ZRANB3: variants seen among roughly 807,000 people sequenced by gnomAD.
ZRANB3 encodes zinc finger RANBP2-type containing 3, also known as DNA annealing helicase and endonuclease ZRANB3.
In ZRANB3, 125 loss-of-function variants were observed where a neutral mutation model predicts 133.8. The observed-to-expected ratio is 0.93, with a 90% CI of 0.81 to 1.08. The LOEUF (loss-of-function observed/expected upper bound fraction) is 1.08. ZRANB3 is among the 50% of genes least tolerant of loss of function. ZRANB3 has a pLI of 0.00. For synonymous variants in ZRANB3, 387 were observed against 432.7 expected (o/e 0.89, Z 1.31); for missense variants, 1,229 against 1,275.5 (o/e 0.96, Z 0.56).
chr2:135,421,068 A>C (rs1346149273), intron 2 of ZRANB3, among the ~76,000 whole-genome samples: 1 of 152,188 alleles, frequency 6.6e-6, no homozygotes, highest in African/African-American at 2.4e-5. Flanking sequence ...GATTAATGTA[A>C]GGAGCCTCAA....
At chr2:135,272,563 G>A (rs1018290767) in intron 9 of ZRANB3, among the ~76,000 whole-genome samples, 4 of 151,682 alleles carry the variant, frequency 2.6e-5, no homozygotes, top group African/African-American at 7.3e-5. Context: ...ATAGGCGCCC[G>A]CCACCACGCC....
At chr2:135,232,013 G>C (rs547848374) in intron 12 of ZRANB3, among the ~76,000 whole-genome samples, 21 of 152,298 alleles carry the variant, frequency 1.4e-4, no homozygotes, top group Middle Eastern at 3.4e-3. Flanking sequence ...CCCGGGAAGC[G>C]CAAGGGGTCA....
intron 6 of ZRANB3, among the ~76,000 whole-genome samples, chr2:135,329,376 T>TAATAACACCAC (rs1558920899): frequency 2.4e-4 from 36 of 152,116 alleles, no homozygotes; most frequent in African/African-American, 8.4e-4. Flanking sequence ...TGTAGATGTG[T>TAATAACACCAC]GGTGTTATTT....
intron 12 of ZRANB3, among the ~76,000 whole-genome samples, chr2:135,233,038 A>G (rs967466560): frequency 1.3e-5 from 2 of 151,916 alleles, no homozygotes; most frequent in African/African-American, 4.8e-5. Flanking sequence ...GAAGTTAAAA[A>G]CCTTGAAAAA....
intron 14 of ZRANB3, among the ~76,000 whole-genome samples, chr2:135,226,278 C>A (rs977040186): frequency 1.3e-5 from 2 of 152,190 alleles, no homozygotes; most frequent in Non-Finnish European, 2.9e-5. Flanking sequence ...TATGGTCATT[C>A]TTCCAAACTC....
intron 2 of ZRANB3, among the ~76,000 whole-genome samples, chr2:135,501,567 C>A (rs1381271384): frequency 6.6e-6 from 1 of 152,100 alleles, no homozygotes; most frequent in Non-Finnish European, 1.5e-5. Context: ...TAAAAGCGTT[C>A]CCTAAAGCTT....
intron 1 of ZRANB3, among the ~76,000 whole-genome samples, chr2:135,521,821 C>CA (rs1367168187): frequency 3.3e-5 from 5 of 152,148 alleles, no homozygotes; most frequent in Non-Finnish European, 7.3e-5. Flanking sequence ...AGATGCCACT[C>CA]ACGCTAAAAC....
intron 2 of ZRANB3, among the ~76,000 whole-genome samples, chr2:135,475,381 A>C (rs1691459630): frequency 6.6e-6 from 1 of 152,190 alleles, no homozygotes; most frequent in Non-Finnish European, 1.5e-5. Context: ...TGCAGAGATG[A>C]TTCATCTATT....
intron 6 of ZRANB3, among the ~76,000 whole-genome samples, chr2:135,340,792 G>T (rs909107633): frequency 7.2e-6 from 1 of 139,578 alleles, no homozygotes; most frequent in Non-Finnish European, 1.5e-5. Flanking sequence ...GGAGGTGGAG[G>T]TTGCAATGAG....
In ZRANB3 at chr2:135,203,612, CA is replaced by C. The variant is rs1051712787; in HGVS notation, c.3010-650del. Among the ~76,000 whole-genome samples the C allele has an allele frequency of 4.7e-3, 294 of 62,060 alleles. 1 individual carries two copies. The highest frequency in any genetic ancestry group is 0.011 in the East Asian group (25 of 2,274). The allele number at this position is 62,060 out of a possible 152,430, so 40.7% of individuals were successfully genotyped here. On this transcript the variant is annotated intron_variant, in intron 19 of 20. Transcript: ENST00000264159. ...CCAGCCTGGGTGACAGACTCGGTCT[CA>C]AAAAAAAAAAAAAAAAAAAAGAAAT...
intron 2 of ZRANB3, among the ~76,000 whole-genome samples, chr2:135,457,349 C>T (rs1377157676): frequency 6.6e-6 from 1 of 152,186 alleles, no homozygotes; most frequent in African/African-American, 2.4e-5. Context: ...TATGTGGTAA[C>T]TTTATGCATA....
intron 12 of ZRANB3, among the ~76,000 whole-genome samples, chr2:135,231,527 A>AGCCC (rs1338647575): frequency 2.6e-5 from 4 of 152,200 alleles, no homozygotes. Context: ...TGGGAGGCTG[A>AGCCC]TATGGCAGGA....
At chr2:135,338,340 T>C (rs562410861) in intron 6 of ZRANB3, among the ~76,000 whole-genome samples, 1 of 152,328 alleles carries the variant, frequency 6.6e-6, no homozygotes, top group South Asian at 2.1e-4. Flanking sequence ...ACAATGCAGG[T>C]CAAGTTCCCT....
intron 2 of ZRANB3, 108 bp downstream of exon 2, chr2:135,504,221 T>TA: frequency 7.6e-7 from 1 of 1,312,386 alleles, no homozygotes; most frequent in Non-Finnish European, 1.1e-6. Flanking sequence ...CAATCAATTC[T>TA]ACTAAAGAAA....
intron 2 of ZRANB3, among the ~76,000 whole-genome samples, chr2:135,424,357 T>C (rs1209840555): frequency 6.6e-6 from 1 of 151,832 alleles, no homozygotes; most frequent in Non-Finnish European, 1.5e-5. Context: ...TTCCAAGACA[T>C]CTAATATCTG....
intron 12 of ZRANB3, among the ~76,000 whole-genome samples, chr2:135,231,304 A>G (rs1185167775): frequency 6.6e-6 from 1 of 152,190 alleles, no homozygotes; most frequent in African/African-American, 2.4e-5. Context: ...ACAAAAATAT[A>G]CTTAATACAT....
intron 2 of ZRANB3, among the ~76,000 whole-genome samples, chr2:135,449,785 T>C (rs1405625762): frequency 6.6e-6 from 1 of 152,010 alleles, no homozygotes; most frequent in Admixed American, 6.6e-5. Context: ...TGAGGCAGGG[T>C]CTCTCTCTAT....
chr2:135,396,684 A>G (rs539888818), intron 2 of ZRANB3, among the ~76,000 whole-genome samples: 1 of 152,196 alleles, frequency 6.6e-6, no homozygotes, highest in African/African-American at 2.4e-5. Flanking sequence ...GTGGTGGGGT[A>G]GGGGGAAAGT....
intron 8 of ZRANB3, among the ~76,000 whole-genome samples, chr2:135,308,371 C>G (rs942216840): frequency 1.3e-5 from 2 of 152,090 alleles, no homozygotes; most frequent in African/African-American, 4.8e-5. Flanking sequence ...GCCTCTTCCA[C>G]AATGGCTTAA....
Sources: gnomAD v4.1 joint callset for allele counts (sites outside exome capture counted in the v4.1 genomes callset) on GRCh38, gnomAD v4.1.1 for gene constraint, MANE v1.5 for transcripts, NCBI Gene and HGNC (gene_info 2026-07-23, HGNC 2026-07-21) for gene names.